ANTXR2: variants seen among roughly 807,000 people sequenced by gnomAD.
ANTXR2 encodes the protein anthrax toxin receptor 2.
ANTXR2 carries 44 observed loss-of-function variants against 73.7 expected under a neutral mutation model. That is an observed-to-expected ratio of 0.60 (90% CI 0.47 to 0.77). The LOEUF (loss-of-function observed/expected upper bound fraction) is 0.77. Ranked by LOEUF, ANTXR2 falls within the 30% of genes least tolerant of loss-of-function variation. The pLI, the probability that ANTXR2 is intolerant of heterozygous loss-of-function variation, is 0.00. For missense variants in ANTXR2, 604 were observed against 592.5 expected (o/e 1.02, Z -0.20); for synonymous variants, 217 against 205.9 (o/e 1.05, Z -0.46).
chr4:80,002,681 C>T (rs1347013271), intron 12 of ANTXR2, among the ~76,000 whole-genome samples: 1 of 151,904 alleles, frequency 6.6e-6, no homozygotes, highest in Non-Finnish European at 1.5e-5. Context: ...GGCTCATATC[C>T]AGAATCTACA....
At position 79,905,573 on chromosome 4, in the gene ANTXR2, T is replaced by C. The variant is rs1396585372; in HGVS notation, c.*1856A>G. Reference sequence around the variant, plus strand: ...GCTTAAAGAAATGGTAGCACAGGCATAGGTAAAATTTTTATTTATGAATGT... The same window carrying C: ...GCTTAAAGAAATGGTAGCACAGGCACAGGTAAAATTTTTATTTATGAATGT... On this transcript the variant is annotated 3_prime_UTR_variant, in exon 17 of 17. Coordinates refer to ENST00000403729, the MANE Select transcript of ANTXR2 (RefSeq NM_058172.6). 1 of 152,172 alleles carries C rather than the reference T, an allele frequency of 6.6e-6. No homozygotes were observed. The highest frequency in any genetic ancestry group is 1.9e-4 in the East Asian group (1 of 5,194). 9.4% of individuals were successfully genotyped at this position (152,172 alleles called of 1,614,324 possible).
chr4:80,070,267 A>T (rs1221064013), intron 2 of ANTXR2, among the ~76,000 whole-genome samples: 1 of 152,214 alleles, frequency 6.6e-6, no homozygotes, highest in Non-Finnish European at 1.5e-5. Context: ...GTCACCCCTT[A>T]TTCACTTCCT....
At chr4:79,930,465 C>T (rs1728012485) in intron 16 of ANTXR2, among the ~76,000 whole-genome samples, 1 of 152,178 alleles carries the variant, frequency 6.6e-6, no homozygotes, top group Non-Finnish European at 1.5e-5. Flanking sequence ...ACATTTCCAT[C>T]TTCCTAAAAT....
At chr4:79,956,275 T>C (rs902434755) in intron 16 of ANTXR2, among the ~76,000 whole-genome samples, 4 of 152,148 alleles carry the variant, frequency 2.6e-5, no homozygotes, top group African/African-American at 9.7e-5. Flanking sequence ...AAAACACAGA[T>C]ACACAGTTGA....
At chr4:80,028,226 A>G (rs1040630804) in intron 10 of ANTXR2, among the ~76,000 whole-genome samples, 5 of 152,162 alleles carry the variant, frequency 3.3e-5, no homozygotes, top group Non-Finnish European at 7.4e-5. Context: ...AGTTATTGAA[A>G]GACCCATCTG....
intron 16 of ANTXR2, among the ~76,000 whole-genome samples, chr4:79,936,989 A>G (rs967862484): frequency 1.6e-4 from 24 of 152,206 alleles, no homozygotes; most frequent in African/African-American, 2.4e-5. Context: ...TTATGTATTC[A>G]TTCAATCATT....
chr4:79,984,131 C>A (rs1017962955), intron 13 of ANTXR2, among the ~76,000 whole-genome samples, 161 bp from the exon 14 acceptor site: 2 of 152,124 alleles, frequency 1.3e-5, no homozygotes, highest in African/African-American at 4.8e-5. Flanking sequence ...GCATAAATTT[C>A]AAGTGGAGTT....
At chr4:80,043,261 C>T (rs1266103742) in intron 7 of ANTXR2, among the ~76,000 whole-genome samples, 1 of 63,266 alleles carries the variant, frequency 1.6e-5, no homozygotes, top group East Asian at 1.6e-3. Context: ...TATAAAATGG[C>T]TGCATTCCAT....
At chr4:79,923,761 T>C (rs2109948376) in intron 16 of ANTXR2, among the ~76,000 whole-genome samples, 1 of 152,280 alleles carries the variant, frequency 6.6e-6, no homozygotes, top group East Asian at 1.9e-4. Flanking sequence ...TTTATTTTCC[T>C]TTATGCCTCT....
At chr4:80,025,377 C>T (rs1461231089) in intron 10 of ANTXR2, among the ~76,000 whole-genome samples, 1 of 152,154 alleles carries the variant, frequency 6.6e-6, no homozygotes, top group Non-Finnish European at 1.5e-5. Context: ...ACATTTCAAT[C>T]CACAGTAACA....
chr4:80,053,626 TGCTTGTA>T (rs1385362800), intron 7 of ANTXR2, among the ~76,000 whole-genome samples: 3 of 151,658 alleles, frequency 2.0e-5, no homozygotes, highest in African/African-American at 7.3e-5. Flanking sequence ...CTGTTCCCAG[TGCTTGTA>T]GCAAAAGGCA....
intron 16 of ANTXR2, among the ~76,000 whole-genome samples, chr4:79,925,237 T>C (rs964735249): frequency 4.6e-5 from 7 of 151,934 alleles, no homozygotes; most frequent in African/African-American, 1.4e-4. Flanking sequence ...TTCATTCTAT[T>C]TGGTGCTATT....
intron 10 of ANTXR2, among the ~76,000 whole-genome samples, chr4:80,030,418 T>A (rs146396179): frequency 3.6e-4 from 55 of 152,214 alleles, no homozygotes; most frequent in African/African-American, 1.3e-3. Flanking sequence ...TCAGAAAGCC[T>A]TGAGTCCTAC....
chr4:80,039,552 AC>A (rs1733137076), intron 7 of ANTXR2, among the ~76,000 whole-genome samples: 1 of 152,150 alleles, frequency 6.6e-6, no homozygotes, highest in South Asian at 2.1e-4. Context: ...GTTGCTAATC[AC>A]TAGAGAAATG....
chr4:80,002,979 T>C (rs12511612), intron 12 of ANTXR2, among the ~76,000 whole-genome samples: 56,734 of 104,054 alleles, frequency 0.55, 18,703 homozygotes, highest in East Asian at 0.94. Flanking sequence ...TAAACTAGTT[T>C]AACCATTGTG....
intron 14 of ANTXR2, among the ~76,000 whole-genome samples, chr4:79,979,818 C>A (rs1431842725): frequency 1.3e-5 from 2 of 149,754 alleles, no homozygotes; most frequent in Non-Finnish European, 3.0e-5. Context: ...AATCAGGACA[C>A]ATATCCTTGC....
chr4:80,025,677 G>T (rs1041533836), intron 10 of ANTXR2, among the ~76,000 whole-genome samples: 3 of 152,102 alleles, frequency 2.0e-5, no homozygotes, highest in Admixed American at 2.0e-4. Context: ...ATTTTAAGTT[G>T]GAAGATAAGA....
intron 16 of ANTXR2, among the ~76,000 whole-genome samples, chr4:79,945,391 G>A (rs890642070): frequency 6.6e-6 from 1 of 151,966 alleles, no homozygotes; most frequent in South Asian, 2.1e-4. Flanking sequence ...CATTTTATTA[G>A]AAGAAATTCA....
At chr4:79,985,552 G>C (rs983236300) in intron 12 of ANTXR2, among the ~76,000 whole-genome samples, 1 of 152,050 alleles carries the variant, frequency 6.6e-6, no homozygotes, top group African/African-American at 2.4e-5. Flanking sequence ...AGGCTGGGTG[G>C]TGAGACAGAG....
Sources: gnomAD v4.1 joint callset for allele counts (sites outside exome capture counted in the v4.1 genomes callset) on GRCh38, gnomAD v4.1.1 for gene constraint, MANE v1.5 for transcripts, NCBI Gene and HGNC (gene_info 2026-07-23, HGNC 2026-07-21) for gene names.